Variants in C6 observed in about 807,000 individuals in gnomAD.
The protein encoded by C6 is complement C6.
A neutral mutation model predicts 112.9 loss-of-function variants in C6; 101 were observed. The ratio of observed to expected loss-of-function variants is 0.89; its 90% CI spans 0.76 to 1.06. The LOEUF (loss-of-function observed/expected upper bound fraction) is 1.06. Among genes scored for constraint, C6 ranks in the 50% least tolerant of loss-of-function variants. C6 has a pLI of 0.00. For missense variants in C6, 1,202 were observed against 1,104.6 expected (o/e 1.09, Z -1.25); for synonymous variants, 431 against 384.1 (o/e 1.12, Z -1.43).
In C6 at chr5:41,143,206, G is replaced by A. The variant is rs1745511887; in HGVS notation, c.2624-200C>T. ...AAAACAACAAAACAACCCACCAAAG[G>A]CAATGACCCCAAAGACCCAACTGTG... is the stretch of plus-strand genomic sequence containing the variant. On this transcript the variant is annotated intron_variant, in intron 17 of 17. Transcript: ENST00000337836. 2.0e-5 allele frequency among the ~76,000 whole-genome samples: 3 copies of A among 151,944 alleles called. No homozygotes were observed. The South Asian group carries it at 6.2e-4, about 32-fold the overall frequency.
intron 1 of C6, among the ~76,000 whole-genome samples, chr5:41,234,255 G>T (rs555963282): frequency 1.3e-5 from 2 of 151,272 alleles, no homozygotes; most frequent in Non-Finnish European, 2.9e-5. Context: ...TCGTAACAAT[G>T]ATAGAAATTC....
intron 9 of C6, 137 bp downstream of exon 9, chr5:41,172,088 C>T: frequency 1.1e-6 from 1 of 905,504 alleles, no homozygotes; most frequent in Non-Finnish European, 1.8e-6. Flanking sequence ...ATCCCCTATT[C>T]CAACACACAG....
At position 41,142,962 on chromosome 5, in the gene C6, T is replaced by G; in HGVS notation, c.2668A>C (p.Lys890Gln). The change falls in exon 18 of 18, where the codon AAG (lysine) becomes CAG (glutamine). Residue 890 changes from lysine (K) to glutamine (Q), a missense_variant. By Grantham distance (53) the Lys-to-Gln change is moderately conservative. Transcript: ENST00000337836. ...CVCLLPPQCF[K>Q]GGNQLYCVKM... ...ACACAGTAGAGTTGGTTTCCACCCT[T>G]GAAGCACTGTGGGGGCAATAGGCAG... The G allele has an allele frequency of 6.2e-7, 1 of 1,613,548 alleles. No homozygotes were observed. The highest frequency in any genetic ancestry group is 8.5e-7 in the Non-Finnish European group (1 of 1,179,742).
At chr5:41,223,811 A>G (rs1413482233) in intron 1 of C6, among the ~76,000 whole-genome samples, 1 of 151,616 alleles carries the variant, frequency 6.6e-6, no homozygotes, top group Non-Finnish European at 1.5e-5. Context: ...ACAATGTTTC[A>G]ATAATATTCT....
intron 14 of C6, among the ~76,000 whole-genome samples, chr5:41,154,407 A>G (rs541990957): frequency 6.6e-6 from 1 of 152,228 alleles, no homozygotes; most frequent in African/African-American, 2.4e-5. Context: ...ATGGTCTCCC[A>G]CAATAAGTCT....
chr5:41,183,207 C>G (rs1749487532), intron 6 of C6, among the ~76,000 whole-genome samples: 1 of 152,026 alleles, frequency 6.6e-6, no homozygotes, highest in Non-Finnish European at 1.5e-5. Flanking sequence ...TAATACAGAT[C>G]CAATAGATGT....
chr5:41,244,922 C>A (rs1450178412), intron 1 of C6, among the ~76,000 whole-genome samples: 2 of 152,144 alleles, frequency 1.3e-5, no homozygotes, highest in African/African-American at 4.8e-5. Context: ...GTATGGTCCT[C>A]ATTTTTTCAG....
At chr5:41,152,116 G>A (rs1746459863) in intron 15 of C6, among the ~76,000 whole-genome samples, 1 of 152,076 alleles carries the variant, frequency 6.6e-6, no homozygotes, top group South Asian at 2.1e-4. Flanking sequence ...TTATAATAAC[G>A]GATTTATAAT....
chr5:41,182,398 C>T (rs1749427763), intron 6 of C6, among the ~76,000 whole-genome samples: 1 of 151,980 alleles, frequency 6.6e-6, no homozygotes, highest in Non-Finnish European at 1.5e-5. Flanking sequence ...AAGACACTGA[C>T]ATCTTAGTAT....
At chr5:41,194,921 C>T (rs1050601222) in intron 5 of C6, among the ~76,000 whole-genome samples, 9 of 152,138 alleles carry the variant, frequency 5.9e-5, no homozygotes, top group African/African-American at 2.2e-4. Context: ...AGGTTTCTTC[C>T]AGGGTGTCTC....
intron 14 of C6, 81 bp from the exon 15 acceptor site, chr5:41,154,079 G>C: frequency 8.1e-7 from 1 of 1,239,222 alleles, no homozygotes; most frequent in East Asian, 2.4e-5. Context: ...CAACCAAAGA[G>C]GTGATTTTGA....
chr5:41,233,302 C>A (rs1740024299), intron 1 of C6, among the ~76,000 whole-genome samples: 1 of 151,958 alleles, frequency 6.6e-6, no homozygotes, highest in Non-Finnish European at 1.5e-5. Flanking sequence ...TCTTGTGGCA[C>A]AAAAGATATG....
At chr5:41,200,957 C>G (rs960538247) in intron 3 of C6, among the ~76,000 whole-genome samples, 9 of 126,866 alleles carry the variant, frequency 7.1e-5, no homozygotes, top group Non-Finnish European at 1.4e-4. Context: ...AACCTAAAAT[C>G]CAAAATGCTC....
chr5:41,233,046 A>C (rs1314464974), intron 1 of C6, among the ~76,000 whole-genome samples: 1 of 152,114 alleles, frequency 6.6e-6, no homozygotes, highest in Non-Finnish European at 1.5e-5. Flanking sequence ...TATTATGTAT[A>C]TAATTTTCAT....
At chr5:41,234,364 GTTTTT>G (rs70988840) in intron 1 of C6, among the ~76,000 whole-genome samples, 10 of 123,004 alleles carry the variant, frequency 8.1e-5, no homozygotes, top group South Asian at 2.8e-4. Flanking sequence ...TTTGTTTTTT[GTTTTT>G]TTTTTTTGCT....
At chr5:41,216,763 G>T (rs1752208219), upstream of C6, among the ~76,000 whole-genome samples, 1 of 151,992 alleles carries the variant, frequency 6.6e-6, no homozygotes, top group Non-Finnish European at 1.5e-5. Context: ...TGCATCAGTG[G>T]CTTAGCTGGT....
chr5:41,181,457 T>A lies in C6; in HGVS notation c.829A>T (p.Ser277Cys). The A allele has an allele frequency of 6.2e-7, 1 of 1,613,230 alleles. No homozygotes were observed. The highest frequency in any genetic ancestry group is 1.1e-5 in the South Asian group (1 of 91,046). ...QQGSFSSQGG[S>C]SFSVPIFYSS... ...TAAAAAATTGGTACACTGAAAGAGC[T>A]CCCCCCCTGACTTGAGAATGAGCCT... Residue 277 changes from serine to cysteine, a missense_variant, in exon 7 of 18, where the codon AGC becomes TGC. Physicochemically the swap from Ser to Cys is moderately radical, Grantham distance 112. Transcript: ENST00000337836.
chr5:41,217,223 C>T (rs1446295053), upstream of C6, among the ~76,000 whole-genome samples: 1 of 152,086 alleles, frequency 6.6e-6, no homozygotes, highest in Non-Finnish European at 1.5e-5. Context: ...TTCCTCCACC[C>T]TTTAAACATA....
chr5:41,227,821 G>T (rs1318585158), intron 1 of C6, among the ~76,000 whole-genome samples: 3 of 151,962 alleles, frequency 2.0e-5, no homozygotes, highest in African/African-American at 7.2e-5. Flanking sequence ...TTGTCCTATT[G>T]GTCTATGGGT....
Sources: allele counts gnomAD v4.1 joint callset (sites outside exome capture counted in the v4.1 genomes callset), GRCh38; gene constraint gnomAD v4.1.1; transcripts MANE v1.5; gene names NCBI Gene and HGNC (gene_info 2026-07-23, HGNC 2026-07-21).